The following DCT variants were observed in gnomAD, a reference collection of about 807,000 sequenced individuals.
DCT encodes the protein dopachrome tautomerase, also known as L-dopachrome tautomerase.
DCT carries 47 observed loss-of-function variants against 53.0 expected under a neutral mutation model. The observed-to-expected ratio is 0.89, with a 90% CI of 0.70 to 1.13. The LOEUF (loss-of-function observed/expected upper bound fraction) is 1.13. DCT is among the 50% of genes most tolerant of loss of function. DCT has a pLI of 0.00. For synonymous variants in DCT, 244 were observed against 237.0 expected (o/e 1.03, Z -0.27); for missense variants, 669 against 637.4 (o/e 1.05, Z -0.53).
chr13:94,449,681 T>C (rs1161518073), intron 6 of DCT, among the ~76,000 whole-genome samples: 1 of 152,250 alleles, frequency 6.6e-6, no homozygotes, highest in Non-Finnish European at 1.5e-5. Context: ...ACTTTTTAAA[T>C]GAGAGAATTC....
the DCT span, among the ~76,000 whole-genome samples, chr13:94,519,356 C>T: frequency 6.6e-6 from 1 of 152,030 alleles, no homozygotes; most frequent in African/African-American, 2.4e-5. Flanking sequence ...AGTGCTTATT[C>T]AATTTTGGAT....
At chr13:94,479,916 C>A (rs41307607), upstream of DCT, among the ~76,000 whole-genome samples, 2 of 152,184 alleles carry the variant, frequency 1.3e-5, no homozygotes, top group African/African-American at 4.8e-5. Flanking sequence ...AAACTTGTGA[C>A]CTCAGACATC....
chr13:94,521,886 C>G, the DCT span, among the ~76,000 whole-genome samples: 9 of 152,146 alleles, frequency 5.9e-5, no homozygotes, highest in South Asian at 1.7e-3. Flanking sequence ...AAGCCCTATA[C>G]CTAATACCTA....
intron 7 of DCT, among the ~76,000 whole-genome samples, chr13:94,441,370 C>T (rs954137641): frequency 1.3e-5 from 2 of 152,286 alleles, no homozygotes; most frequent in Middle Eastern, 3.4e-3. Flanking sequence ...ATATATGTAA[C>T]ATAAATTTGA....
intron 6 of DCT, among the ~76,000 whole-genome samples, chr13:94,447,120 T>C (rs551084289): frequency 3.9e-5 from 6 of 152,160 alleles, no homozygotes; most frequent in Non-Finnish European, 7.3e-5. Context: ...TAATATATGG[T>C]AGAGTAAGAA....
At chr13:94,535,811 T>C in the DCT span, among the ~76,000 whole-genome samples, 1 of 152,228 alleles carries the variant, frequency 6.6e-6, no homozygotes, top group Non-Finnish European at 1.5e-5. Context: ...ATTTCGCCTA[T>C]ACCCTCAGAT....
chr13:94,528,204 G>C, the DCT span, among the ~76,000 whole-genome samples: 61,355 of 151,970 alleles, frequency 0.4, 13,114 homozygotes, highest in East Asian at 0.62. Flanking sequence ...AACCAAGCTG[G>C]AAAACACTCT....
the DCT span, among the ~76,000 whole-genome samples, chr13:94,540,888 G>C: frequency 6.6e-6 from 1 of 152,204 alleles, no homozygotes; most frequent in Admixed American, 6.5e-5. Context: ...CTAAAATACA[G>C]ACTCAATCTA....
At chr13:94,524,377 G>C in the DCT span, among the ~76,000 whole-genome samples, 1 of 152,228 alleles carries the variant, frequency 6.6e-6, no homozygotes, top group African/African-American at 2.4e-5. Context: ...TGGCTACATG[G>C]CATCCTGGGC....
Position 94,479,263 on chromosome 13 carries a change from T to TAATTGGGAGA in DCT, c.-18_-9dup. On this transcript the variant is annotated 5_prime_UTR_variant, in exon 1 of 8. Coordinates refer to ENST00000377028, the MANE Select transcript of DCT (RefSeq NM_001922.5). ...CCACCAAAGGGGGCTCATGGCTTTA[T>TAATTGGGAGA]AATTGGGAGAGCTCTCTCTCTCTCT... 6.4e-7 allele frequency: 1 copy of TAATTGGGAGA among 1,560,464 alleles called. No homozygotes were observed. The highest frequency in any genetic ancestry group is 1.2e-5 in the South Asian group (1 of 84,034).
At chr13:94,524,985 C>A in the DCT span, among the ~76,000 whole-genome samples, 1 of 152,094 alleles carries the variant, frequency 6.6e-6, no homozygotes, top group African/African-American at 2.4e-5. Flanking sequence ...CCAAGAAACA[C>A]CAAAGATTGC....
the DCT span, among the ~76,000 whole-genome samples, chr13:94,521,408 C>T: frequency 6.6e-6 from 1 of 152,210 alleles, no homozygotes; most frequent in African/African-American, 2.4e-5. Flanking sequence ...CGGTGGCTCA[C>T]GCCTGTAATC....
chr13:94,536,901 G>A, the DCT span, among the ~76,000 whole-genome samples: 8 of 152,216 alleles, frequency 5.3e-5, no homozygotes, highest in South Asian at 2.1e-4. Flanking sequence ...CCAAGATTGC[G>A]CCACTGCACT....
intron 1 of DCT, among the ~76,000 whole-genome samples, chr13:94,477,008 C>G (rs1227592742): frequency 3.9e-5 from 6 of 152,072 alleles, no homozygotes; most frequent in African/African-American, 1.5e-4. Flanking sequence ...ATGATTAATA[C>G]CCAGGGCAAA....
At chr13:94,452,408 A>G (rs1186795863) in intron 6 of DCT, among the ~76,000 whole-genome samples, 1 of 152,232 alleles carries the variant, frequency 6.6e-6, no homozygotes, top group Non-Finnish European at 1.5e-5. Flanking sequence ...GTTGACAAAG[A>G]TGAAAAAGTG....
the DCT span, among the ~76,000 whole-genome samples, chr13:94,492,880 C>T: frequency 6.6e-6 from 1 of 152,090 alleles, no homozygotes; most frequent in Non-Finnish European, 1.5e-5. Context: ...TATATATTTT[C>T]ATAGTCTATA....
At chr13:94,542,327 T>G in the DCT span, among the ~76,000 whole-genome samples, 59 of 152,212 alleles carry the variant, frequency 3.9e-4, no homozygotes, top group Non-Finnish European at 3.2e-4. Flanking sequence ...TAGCTGGGAC[T>G]ACAGGTGCAC....
the DCT span, among the ~76,000 whole-genome samples, chr13:94,488,699 G>A: frequency 2.7e-5 from 4 of 147,682 alleles, no homozygotes; most frequent in Non-Finnish European, 4.5e-5. Flanking sequence ...TGGGTGATAC[G>A]GCCAGACCTT....
intron 7 of DCT, among the ~76,000 whole-genome samples, chr13:94,441,011 TTTTCA>T (rs1882266959): frequency 6.6e-6 from 1 of 152,148 alleles, no homozygotes; most frequent in African/African-American, 2.4e-5. Flanking sequence ...ATATGCCTAT[TTTTCA>T]TTTATTTTAA....
Sources: gnomAD v4.1 joint callset for allele counts (sites outside exome capture counted in the v4.1 genomes callset) on GRCh38, gnomAD v4.1.1 for gene constraint, MANE v1.5 for transcripts, NCBI Gene and HGNC (gene_info 2026-07-23, HGNC 2026-07-21) for gene names.